Variants in RAB38 observed in about 807,000 individuals in gnomAD.
RAB38 encodes RAB38, member RAS oncogene family, also known as ras-related protein Rab-38.
Under a neutral mutation model 18.4 loss-of-function variants are expected in RAB38, and 15 were observed. The observed-to-expected ratio is 0.82, with a 90% CI of 0.55 to 1.26. The LOEUF is 1.26. RAB38 is among the 50% of genes most tolerant of loss of function. RAB38 has a pLI of 0.00. For missense variants in RAB38, 294 were observed against 267.4 expected (o/e 1.10, Z -0.69); for synonymous variants, 101 against 104.4 (o/e 0.97, Z 0.20).
chr11:88,009,102 G>A, the RAB38 span, among the ~76,000 whole-genome samples: 1 of 152,144 alleles, frequency 6.6e-6, no homozygotes. Context: ...AAGGAAATAT[G>A]TACAACCTTC....
chr11:88,015,366 C>A, the RAB38 span, among the ~76,000 whole-genome samples: 1 of 152,096 alleles, frequency 6.6e-6, no homozygotes, highest in African/African-American at 2.4e-5. Context: ...AGATTGTTTA[C>A]TTTTAGTCTC....
At chr11:87,913,122 G>A in the RAB38 span, among the ~76,000 whole-genome samples, 3 of 151,850 alleles carry the variant, frequency 2.0e-5, no homozygotes, top group African/African-American at 7.3e-5. Context: ...AGTCTAACTT[G>A]GTAAATGTTT....
chr11:87,873,922 G>GTGTATATATATATATATATATATA, the RAB38 span, among the ~76,000 whole-genome samples: 4 of 103,100 alleles, frequency 3.9e-5, no homozygotes, highest in Admixed American at 1.2e-4. Flanking sequence ...GTGTGTGTGT[G>GTGTATATATATATATATATATATA]TATATATATA....
intron 2 of RAB38, among the ~76,000 whole-genome samples, chr11:88,140,704 T>C (rs188793125): frequency 2.6e-5 from 4 of 152,166 alleles, no homozygotes; most frequent in African/African-American, 7.2e-5. Context: ...GGAGACTTGA[T>C]GCAGTTTAAC....
the RAB38 span, among the ~76,000 whole-genome samples, chr11:88,037,462 C>G: frequency 6.6e-6 from 1 of 151,660 alleles, no homozygotes; most frequent in African/African-American, 2.4e-5. Flanking sequence ...TAAAGTGTAC[C>G]CATTCTAAGT....
chr11:87,827,341 G>A, the RAB38 span, among the ~76,000 whole-genome samples: 4 of 149,938 alleles, frequency 2.7e-5, no homozygotes, highest in Admixed American at 2.7e-4. Flanking sequence ...TGGATCTCAA[G>A]GGTCTAGGTT....
chr11:87,875,112 G>C, the RAB38 span, among the ~76,000 whole-genome samples: 1 of 151,252 alleles, frequency 6.6e-6, no homozygotes, highest in Non-Finnish European at 1.5e-5. Context: ...TGCACTGTAG[G>C]GTGACTCTAG....
chr11:87,973,156 G>A, the RAB38 span, among the ~76,000 whole-genome samples: 1 of 152,018 alleles, frequency 6.6e-6, no homozygotes, highest in Non-Finnish European at 1.5e-5. Flanking sequence ...AGCAGTGTGA[G>A]AATGGACTAA....
At chr11:88,030,039 A>G in the RAB38 span, among the ~76,000 whole-genome samples, 1 of 152,180 alleles carries the variant, frequency 6.6e-6, no homozygotes, top group Admixed American at 6.5e-5. Flanking sequence ...CTCTCAGACC[A>G]CAGTGCAATC....
chr11:87,946,939 AGTTCTAGAT>A, the RAB38 span, among the ~76,000 whole-genome samples: 43,306 of 150,218 alleles, frequency 0.29, 6,203 homozygotes, highest in South Asian at 0.41. Context: ...TGGTATTTCT[AGTTCTAGAT>A]CCCTGAGGAA....
chr11:87,842,814 G>A, the RAB38 span, among the ~76,000 whole-genome samples: 3 of 76,146 alleles, frequency 3.9e-5, no homozygotes, highest in South Asian at 1.0e-3. Flanking sequence ...ACACACGCGC[G>A]CGCACACACA....
the RAB38 span, among the ~76,000 whole-genome samples, chr11:87,967,254 G>T: frequency 6.6e-6 from 1 of 152,022 alleles, no homozygotes; most frequent in African/African-American, 2.4e-5. Context: ...TTGTAATATT[G>T]TTACTTTATC....
the RAB38 span, among the ~76,000 whole-genome samples, chr11:87,953,721 G>C: frequency 6.6e-6 from 1 of 152,084 alleles, no homozygotes; most frequent in African/African-American, 2.4e-5. Flanking sequence ...TGAGAGTCTT[G>C]CAACATATTA....
At chr11:87,814,461 A>G in the RAB38 span, among the ~76,000 whole-genome samples, 2 of 152,338 alleles carry the variant, frequency 1.3e-5, no homozygotes, top group East Asian at 1.9e-4. Context: ...TGTACAATTA[A>G]GCAATTACAG....
chr11:87,927,211 T>C, the RAB38 span, among the ~76,000 whole-genome samples: 2 of 152,042 alleles, frequency 1.3e-5, no homozygotes, highest in Non-Finnish European at 2.9e-5. Flanking sequence ...TACCTGGCTG[T>C]GAGCTACCTG....
chr11:88,162,646 C>A (rs1943199912), intron 1 of RAB38, among the ~76,000 whole-genome samples: 1 of 152,024 alleles, frequency 6.6e-6, no homozygotes, highest in South Asian at 2.1e-4. Flanking sequence ...CCAGAATTAT[C>A]ACTAGGAACA....
the RAB38 span, among the ~76,000 whole-genome samples, chr11:88,040,801 A>G: frequency 6.6e-6 from 1 of 152,182 alleles, no homozygotes; most frequent in Non-Finnish European, 1.5e-5. Flanking sequence ...GGGCTTCAAT[A>G]CATGAATTTT....
the RAB38 span, among the ~76,000 whole-genome samples, chr11:87,869,051 C>A: frequency 1.3e-5 from 2 of 151,692 alleles, no homozygotes; most frequent in Non-Finnish European, 3.0e-5. Flanking sequence ...TTCACTTTTT[C>A]TACTGCCTTA....
the RAB38 span, among the ~76,000 whole-genome samples, chr11:87,878,258 CTATCT>C: frequency 0.061 from 7,017 of 115,296 alleles, 868 homozygotes; most frequent in African/African-American, 0.14. Flanking sequence ...TATCATCTAT[CTATCT>C]ATCTATCTAT....
Sources: allele counts gnomAD v4.1 joint callset (sites outside exome capture counted in the v4.1 genomes callset), GRCh38; gene constraint gnomAD v4.1.1; transcripts MANE v1.5; gene names NCBI Gene and HGNC (gene_info 2026-07-23, HGNC 2026-07-21).